PCDH7: variants seen among roughly 807,000 people sequenced by gnomAD.
PCDH7 encodes protocadherin-7.
PCDH7 carries 17 observed loss-of-function variants against 58.9 expected under a neutral mutation model. The ratio of observed to expected loss-of-function variants is 0.29; its 90% CI spans 0.20 to 0.43. The LOEUF (loss-of-function observed/expected upper bound fraction) is 0.43. Among genes scored for constraint, PCDH7 ranks in the 20% least tolerant of loss-of-function variants. PCDH7 has a pLI of 1.00. For synonymous variants in PCDH7, 664 were observed against 616.4 expected (o/e 1.08, Z -1.14); for missense variants, 1,274 against 1,441.0 (o/e 0.88, Z 1.88).
Position 30,722,016 on chromosome 4 carries a change from C to A in PCDH7, c.594C>A (p.Ala198=). 6 of 1,259,426 alleles carry A rather than the reference C, an allele frequency of 4.8e-6. No individual in the cohort carries two copies. The highest frequency in any genetic ancestry group is 6.0e-6 in the Non-Finnish European group (6 of 1,005,486). The allele number at this position is 1,259,426 out of a possible 1,614,324, so 78.0% of individuals were successfully genotyped here. The change falls in exon 1 of 2, where the codon GCC becomes GCA. Residue 198 remains alanine, a synonymous_variant. Coordinates refer to ENST00000361762, the Ensembl canonical transcript of PCDH7. The surrounding 1 kb of genome is among the most constrained non-coding windows in gnomAD (Gnocchi z 7.6). ...GCAGCGGCGGCGAGAGCCGGCGCGC[C>A]GGGGCGGCCGACAGCGCCCCCTACC...
chr4:30,739,614 A>G (rs867282674), intron 1 of PCDH7, among the ~76,000 whole-genome samples: 1 of 152,068 alleles, frequency 6.6e-6, no homozygotes, highest in African/African-American at 2.4e-5. Flanking sequence ...ATTAAAATTT[A>G]CTCTGTTACT....
chr4:30,955,656 C>A (rs1747784812), intron 3 of PCDH7, among the ~76,000 whole-genome samples: 1 of 151,908 alleles, frequency 6.6e-6, no homozygotes, highest in African/African-American at 2.4e-5. Flanking sequence ...TCAAGGGATT[C>A]TCCTGCCTCA....
At chr4:31,037,612 G>A (rs753184136) in intron 3 of PCDH7, among the ~76,000 whole-genome samples, 3 of 152,162 alleles carry the variant, frequency 2.0e-5, no homozygotes, top group Non-Finnish European at 4.4e-5. Flanking sequence ...TGGAAGAAAT[G>A]CTCTAGAATA....
At chr4:30,899,325 T>C (rs779460450) in intron 1 of PCDH7, among the ~76,000 whole-genome samples, 1 of 152,140 alleles carries the variant, frequency 6.6e-6, no homozygotes, top group Non-Finnish European at 1.5e-5. Flanking sequence ...AAGGATAAAA[T>C]TGCCCTTTTT....
chr4:30,898,569 C>T (rs73108238), intron 1 of PCDH7, among the ~76,000 whole-genome samples: 38,098 of 152,058 alleles, frequency 0.25, 4,958 homozygotes, highest in African/African-American at 0.31. Flanking sequence ...ACTAAACGCA[C>T]ATCTTGAGGT....
chr4:30,908,930 G>A (rs779198457), intron 1 of PCDH7, among the ~76,000 whole-genome samples: 9 of 152,020 alleles, frequency 5.9e-5, no homozygotes, highest in Non-Finnish European at 1.0e-4. Flanking sequence ...GAAAATCCTC[G>A]ATAAAATACT....
At chr4:31,028,684 T>C (rs1754649266) in intron 3 of PCDH7, among the ~76,000 whole-genome samples, 1 of 151,748 alleles carries the variant, frequency 6.6e-6, no homozygotes, top group Non-Finnish European at 1.5e-5. Context: ...ACCCAAACTT[T>C]AGGATTAATA....
chr4:30,974,863 A>C (rs1749925457), intron 3 of PCDH7, among the ~76,000 whole-genome samples: 1 of 152,210 alleles, frequency 6.6e-6, no homozygotes, highest in Non-Finnish European at 1.5e-5. Context: ...AGAGAAATTA[A>C]TGACAACTAC....
At chr4:30,820,939 G>A (rs1394614757) in intron 1 of PCDH7, among the ~76,000 whole-genome samples, 1 of 152,050 alleles carries the variant, frequency 6.6e-6, no homozygotes, top group African/African-American at 2.4e-5. Context: ...TCGTATAATG[G>A]AATTATTTTT....
At chr4:30,744,933 C>T (rs1717573098) in intron 1 of PCDH7, among the ~76,000 whole-genome samples, 1 of 152,160 alleles carries the variant, frequency 6.6e-6, no homozygotes, top group Non-Finnish European at 1.5e-5. Context: ...TGAACTTATT[C>T]ACTGTAACTG....
At chr4:30,792,518 A>C (rs1724252127) in intron 1 of PCDH7, among the ~76,000 whole-genome samples, 1 of 152,132 alleles carries the variant, frequency 6.6e-6, no homozygotes, top group East Asian at 1.9e-4. Context: ...ACCTATCTTA[A>C]GCTGCTTTTT....
intron 1 of PCDH7, among the ~76,000 whole-genome samples, chr4:30,745,127 T>C (rs556144981): frequency 2.6e-5 from 4 of 152,270 alleles, no homozygotes; most frequent in African/African-American, 9.6e-5. Context: ...CTTTTAATCA[T>C]GGAAACATTT....
intron 3 of PCDH7, among the ~76,000 whole-genome samples, chr4:31,098,260 G>A (rs117466854): frequency 0.011 from 1,603 of 152,272 alleles, 12 homozygotes; most frequent in Middle Eastern, 0.024. Flanking sequence ...TTCTGGTCTC[G>A]TGACTGACCA....
chr4:30,749,651 T>C (rs1718248030), intron 1 of PCDH7, among the ~76,000 whole-genome samples: 1 of 152,184 alleles, frequency 6.6e-6, no homozygotes, highest in Non-Finnish European at 1.5e-5. Flanking sequence ...TAATAGATGA[T>C]TGACTGTATC....
chr4:30,966,399 A>T (rs1020308759), intron 3 of PCDH7, among the ~76,000 whole-genome samples: 2 of 152,080 alleles, frequency 1.3e-5, no homozygotes, highest in Non-Finnish European at 2.9e-5. Flanking sequence ...TTCATTAGGG[A>T]TGGGTGTCAT....
At chr4:31,073,999 T>A (rs186204133) in intron 3 of PCDH7, among the ~76,000 whole-genome samples, 1 of 151,962 alleles carries the variant, frequency 6.6e-6, no homozygotes, top group African/African-American at 2.4e-5. Context: ...CACAGCAAGA[T>A]CAACACCCCA....
intron 1 of PCDH7, among the ~76,000 whole-genome samples, chr4:30,795,579 A>C (rs1360475721): frequency 6.6e-6 from 1 of 152,234 alleles, no homozygotes; most frequent in African/African-American, 2.4e-5. Flanking sequence ...TATTAAAAGC[A>C]AACACATATT....
intron 3 of PCDH7, among the ~76,000 whole-genome samples, chr4:30,975,552 T>G (rs1749994209): frequency 6.6e-6 from 1 of 152,188 alleles, no homozygotes; most frequent in Non-Finnish European, 1.5e-5. Context: ...CCATCTGTTT[T>G]ATGTTTTTAA....
chr4:30,936,428 A>G (rs1179198960), intron 2 of PCDH7, among the ~76,000 whole-genome samples: 1 of 152,052 alleles, frequency 6.6e-6, no homozygotes, highest in Non-Finnish European at 1.5e-5. Context: ...AGCCATTATA[A>G]TTATTTATAT....
Sources: allele counts gnomAD v4.1 joint callset (sites outside exome capture counted in the v4.1 genomes callset), GRCh38; gene constraint gnomAD v4.1.1; non-coding constraint Gnocchi (gnomAD v3.1); transcripts MANE v1.5; gene names NCBI Gene and HGNC (gene_info 2026-07-23, HGNC 2026-07-21).